The following ZNF763 variants were observed in gnomAD, a reference collection of about 807,000 sequenced individuals.
The protein encoded by ZNF763 is zinc finger protein 763, also known as DNA-binding protein.
Under a neutral mutation model 38.0 loss-of-function variants are expected in ZNF763, and 33 were observed. That is an observed-to-expected ratio of 0.87 (90% CI 0.66 to 1.16). The LOEUF (loss-of-function observed/expected upper bound fraction) is 1.16. Among genes scored for constraint, ZNF763 ranks in the 50% most tolerant of loss-of-function variants. The pLI, the probability that ZNF763 is intolerant of heterozygous loss-of-function variation, is 0.00. For missense variants in ZNF763, 423 were observed against 469.1 expected (o/e 0.90, Z 0.91); for synonymous variants, 155 against 160.1 (o/e 0.97, Z 0.24).
In ZNF763 at chr19:11,977,439, G is replaced by T; in HGVS notation, c.191+8G>T. 1 of 1,613,778 alleles carries T rather than the reference G, an allele frequency of 6.2e-7. No homozygotes were observed. Among genetic ancestry groups the T allele is most frequent in the South Asian group, 1.1e-5 (1 of 91,022 alleles). ...CCCCAGGAGAAACTTCAGGTAATTGGCACTTAAAGAGAAAGCAGTGTCTCT... is the reference window on the plus strand; with the variant it reads ...CCCCAGGAGAAACTTCAGGTAATTGTCACTTAAAGAGAAAGCAGTGTCTCT... On this transcript the variant is annotated splice_region_variant and intron_variant, in intron 3 of 3. Coordinates refer to ENST00000358987, the MANE Select transcript of ZNF763 (RefSeq NM_001367172.2).
At chr19:11,970,104 G>A (rs866473275) in intron 1 of ZNF763, among the ~76,000 whole-genome samples, 6 of 152,138 alleles carry the variant, frequency 3.9e-5, no homozygotes, top group Non-Finnish European at 7.4e-5. Flanking sequence ...ACCAATTCTT[G>A]GGGTGCTCAG....
Position 11,980,615 on chromosome 19 carries a change from A to C in ZNF763, c.*1506A>C. ...AGCTAATAAATTACAATAATAATGT[A>C]AATTGTCTAAATACAGCCTTTTCTT... On this transcript the variant is annotated 3_prime_UTR_variant, in exon 4 of 4. Transcript: ENST00000358987. Among the ~76,000 whole-genome samples, 1 of 152,210 alleles carries C rather than the reference A, an allele frequency of 6.6e-6. No homozygotes were observed. The highest frequency in any genetic ancestry group is 6.5e-5 in the Admixed American group (1 of 15,276).
chr19:11,968,333 C>T (rs1044818317), intron 1 of ZNF763, among the ~76,000 whole-genome samples: 3 of 152,052 alleles, frequency 2.0e-5, no homozygotes, highest in African/African-American at 7.2e-5. Context: ...CTTACTGCAG[C>T]CTTGACCTCC....
At chr19:11,973,936 C>T (rs1184841551) in intron 1 of ZNF763, among the ~76,000 whole-genome samples, 1 of 152,048 alleles carries the variant, frequency 6.6e-6, no homozygotes. Context: ...GTAGAATTTT[C>T]CATTCACATC....
rs1471935799 is a variant in ZNF763 at position 11,979,889 on chromosome 19, A to G, written c.*780A>G. 7.0e-7 allele frequency: 1 copy of G among 1,430,000 alleles called. No individual in the cohort carries two copies. The highest frequency in any genetic ancestry group is 1.4e-5 in the African/African-American group (1 of 70,548). The allele number at this position is 1,430,000 out of a possible 1,614,324, so 88.6% of individuals were successfully genotyped here. Reference sequence around the variant, plus strand: ...ACACGTAAGAATGCACTCTGTAGAAAGACCTTATAAATGTAAGATATGTGG... The same window carrying G: ...ACACGTAAGAATGCACTCTGTAGAAGGACCTTATAAATGTAAGATATGTGG... On this transcript the variant is annotated 3_prime_UTR_variant, in exon 4 of 4. Coordinates refer to ENST00000358987, the MANE Select transcript of ZNF763 (RefSeq NM_001367172.2).
intron 1 of ZNF763, among the ~76,000 whole-genome samples, chr19:11,971,304 A>G (rs1487649241): frequency 1.3e-5 from 2 of 152,152 alleles, no homozygotes; most frequent in Non-Finnish European, 1.5e-5. Context: ...GTGTCTTCCT[A>G]TAAGAGCACT....
intron 3 of ZNF763, 70 bp from the exon 4 acceptor site, chr19:11,978,046 G>A: frequency 6.4e-7 from 1 of 1,554,468 alleles, no homozygotes; most frequent in South Asian, 1.2e-5. Flanking sequence ...TGTTAAAAAT[G>A]CAAGTGCAAT....
Position 11,978,911 on chromosome 19 carries a change from A to T in ZNF763, c.987A>T (p.Arg329Ser). ...TCCGTAGTTACAGATCCTATCTTAG[A>T]CATAAAAGGAGTCACACGGGAGAGA... Reference protein sequence around the residue: ...KAFRSYRSYLRHKRSHTGEKP... With the variant: ...KAFRSYRSYLSHKRSHTGEKP... Residue 329 changes from arginine (R) to serine (S), a missense_variant, in exon 4 of 4, where the codon AGA becomes AGT. Transcript: ENST00000358987. The T allele has an allele frequency of 6.2e-7, 1 of 1,614,166 alleles. No individual in the cohort carries two copies. The highest frequency in any genetic ancestry group is 8.5e-7 in the Non-Finnish European group (1 of 1,180,034).
Position 11,979,571 on chromosome 19 carries a change from A to C in ZNF763, c.*462A>C. ...ATGCAAGCAATGTGGTAAAGCCTTC[A>C]GTAGTTCCAGTTCCTTTTGGTACCA... On this transcript the variant is annotated 3_prime_UTR_variant, in exon 4 of 4. Coordinates refer to ENST00000358987, the MANE Select transcript of ZNF763 (RefSeq NM_001367172.2). The C allele has an allele frequency of 6.2e-7, 1 of 1,604,484 alleles. No homozygotes were observed. Among genetic ancestry groups the C allele is most frequent in the African/African-American group, 1.3e-5 (1 of 74,582 alleles).
chr19:11,974,114 TTTCTTTCTTTCTTTTCTTTC>T lies in ZNF763; in HGVS notation c.4-2921_4-2902del, dbSNP rs1438652768. ...CTTTCTTTCTTTCTTTCTTTCTTTCTTTCTTTCTTTCTTTTCTTTCTTTCTTTCTTTCTTTCTTTCTTTCC... is the reference window on the plus strand; with the variant it reads ...CTTTCTTTCTTTCTTTCTTTCTTTCTTTTCTTTCTTTCTTTCTTTCTTTCC... On this transcript the variant is annotated intron_variant, in intron 1 of 3. Transcript: ENST00000358987. Among the ~76,000 whole-genome samples the T allele has an allele frequency of 5.0e-3, 429 of 84,972 alleles. 4 individuals are homozygous for T. Among genetic ancestry groups the T allele is most frequent in the African/African-American group, 0.015 (326 of 21,820 alleles). The allele number at this position is 84,972 out of a possible 152,430, so 55.7% of individuals were successfully genotyped here.
chr19:11,965,734 C>A (rs1973213649), intron 1 of ZNF763, among the ~76,000 whole-genome samples: 1 of 152,186 alleles, frequency 6.6e-6, no homozygotes, highest in African/African-American at 2.4e-5. Flanking sequence ...AAAGTTTATT[C>A]GTAGCCAAAT....
intron 1 of ZNF763, among the ~76,000 whole-genome samples, chr19:11,965,926 G>C (rs1237132309): frequency 1.3e-5 from 2 of 152,152 alleles, no homozygotes; most frequent in Non-Finnish European, 2.9e-5. Flanking sequence ...TGGAAGGGGG[G>C]TTAGAAGGCA....
chr19:11,972,961 G>T (rs1214535142), intron 1 of ZNF763, among the ~76,000 whole-genome samples: 1 of 151,958 alleles, frequency 6.6e-6, no homozygotes, highest in Non-Finnish European at 1.5e-5. Context: ...CATATTGACT[G>T]TGTGTAGTAT....
chr19:11,966,939 A>G (rs1362388634), intron 1 of ZNF763, among the ~76,000 whole-genome samples: 2 of 152,136 alleles, frequency 1.3e-5, no homozygotes, highest in Non-Finnish European at 1.5e-5. Context: ...GCTTTATATT[A>G]CCAGGAAAAG....
intron 1 of ZNF763, among the ~76,000 whole-genome samples, chr19:11,971,290 T>C (rs1283303035): frequency 6.6e-6 from 1 of 152,186 alleles, no homozygotes; most frequent in East Asian, 1.9e-4. Context: ...AAGCTGGCTG[T>C]CCTGTGTCTT....
At chr19:11,977,992 C>T in intron 3 of ZNF763, 124 bp from the exon 4 acceptor site, 1 of 1,226,194 alleles carries the variant, frequency 8.2e-7, no homozygotes. Context: ...CATTTACCTT[C>T]AAACAATTCA....
Position 11,979,451 on chromosome 19 carries a change from AG to A in ZNF763, c.*343del. 2.5e-6 allele frequency: 4 copies of A among 1,606,570 alleles called. No individual in the cohort carries two copies. Among genetic ancestry groups the A allele is most frequent in the Non-Finnish European group, 3.4e-6 (4 of 1,175,432 alleles). On this transcript the variant is annotated 3_prime_UTR_variant, in exon 4 of 4. Transcript: ENST00000358987. ...ACACATAAGAATACACTCTGGAGAA[AG>A]ACCTTATAAATGTAAGACATGTGGG...
chr19:11,974,064 C>G (rs936919627), intron 1 of ZNF763, among the ~76,000 whole-genome samples: 2 of 142,414 alleles, frequency 1.4e-5, no homozygotes, highest in Non-Finnish European at 3.0e-5. Flanking sequence ...TTCTTTCCTT[C>G]TTTCTTTTCT....
chr19:11,969,909 C>T (rs9305025), intron 1 of ZNF763, among the ~76,000 whole-genome samples: 19,212 of 152,152 alleles, frequency 0.13, 2,258 homozygotes, highest in African/African-American at 0.31. Context: ...GTCTTCAGTA[C>T]ACCCTCCTAT....
Sources: gnomAD v4.1 joint callset for allele counts (sites outside exome capture counted in the v4.1 genomes callset) on GRCh38, gnomAD v4.1.1 for gene constraint, MANE v1.5 for transcripts, NCBI Gene and HGNC (gene_info 2026-07-23, HGNC 2026-07-21) for gene names.